The following BAAT variants were observed in gnomAD, a reference collection of about 807,000 sequenced individuals.
BAAT encodes bile acid CoA: amino acid N-acyltransferase (glycine N-choloyltransferase).
A neutral mutation model predicts 18.9 loss-of-function variants in BAAT; 13 were observed. The observed-to-expected ratio is 0.69, with a 90% confidence interval of 0.45 to 1.10. The LOEUF (loss-of-function observed/expected upper bound fraction) is 1.10, where lower values mean the gene tolerates loss of function less well. BAAT is among the 50% of genes least tolerant of loss of function. The pLI is 0.00. For missense variants in BAAT, 489 were observed against 504.0 expected (o/e 0.97, Z 0.28); for synonymous variants, 170 against 190.7 (o/e 0.89, Z 0.89).
At chr9:101,379,343 A>T (rs925333721) in intron 1 of BAAT, among the ~76,000 whole-genome samples, 1 of 152,190 alleles carries the variant, frequency 6.6e-6, no homozygotes, top group Non-Finnish European at 1.5e-5. Flanking sequence ...AGTTATTTGG[A>T]AATCTTTAGA....
At chr9:101,381,162 G>A (rs1830126152) in intron 1 of BAAT, among the ~76,000 whole-genome samples, 1 of 152,020 alleles carries the variant, frequency 6.6e-6, no homozygotes, top group African/African-American at 2.4e-5. Flanking sequence ...GGGATGAATG[G>A]AAATGGGAGT....
intron 1 of BAAT, 114 bp from the exon 2 acceptor site, chr9:101,371,577 T>C (rs979701412): frequency 1.4e-6 from 1 of 694,140 alleles, no homozygotes; most frequent in Non-Finnish European, 2.5e-6. Context: ...CTCTAGTTCT[T>C]TAGAAACTTC....
At chr9:101,380,836 C>T (rs2064173296) in intron 1 of BAAT, among the ~76,000 whole-genome samples, 1 of 152,094 alleles carries the variant, frequency 6.6e-6, no homozygotes, top group South Asian at 2.1e-4. Context: ...TCACTGCAAT[C>T]TCCACTTCCC....
At chr9:101,379,243 C>G (rs1051363077) in intron 1 of BAAT, among the ~76,000 whole-genome samples, 1 of 152,140 alleles carries the variant, frequency 6.6e-6, no homozygotes, top group Non-Finnish European at 1.5e-5. Flanking sequence ...TCAGGTGATC[C>G]GCCTGCCTCA....
intron 3 of BAAT, among the ~76,000 whole-genome samples, chr9:101,367,524 A>G (rs1283473732): frequency 6.8e-6 from 1 of 146,360 alleles, no homozygotes; most frequent in Non-Finnish European, 1.5e-5. Flanking sequence ...TTGCTTTGTC[A>G]CCCAGGCTGG....
intron 1 of BAAT, among the ~76,000 whole-genome samples, chr9:101,381,708 GAGAC>G (rs1830136818): frequency 1.3e-5 from 2 of 152,170 alleles, no homozygotes; most frequent in Non-Finnish European, 2.9e-5. Context: ...GATGAGAGAT[GAGAC>G]AGACACAGAC....
chr9:101,368,007 A>G (rs930390864), intron 3 of BAAT, 113 bp downstream of exon 3: 1 of 1,104,302 alleles, frequency 9.1e-7, no homozygotes, highest in Non-Finnish European at 1.3e-6. Flanking sequence ...GTGTCAGATC[A>G]TGCCACTGCA....
chr9:101,365,686 A>C (rs1391910571), intron 3 of BAAT, among the ~76,000 whole-genome samples: 1 of 151,958 alleles, frequency 6.6e-6, no homozygotes, highest in Non-Finnish European at 1.5e-5. Flanking sequence ...GGCGCCCGCC[A>C]CCACACCTGG....
chr9:101,378,548 T>A (rs988275031), intron 1 of BAAT, among the ~76,000 whole-genome samples: 3 of 152,120 alleles, frequency 2.0e-5, no homozygotes, highest in Non-Finnish European at 4.4e-5. Context: ...GAAACTAGAC[T>A]TCTTCCTTAC....
rs1830008151 is a variant in BAAT, at chr9:101,374,598, C to T, written c.-59-3135G>A. On this transcript the variant is annotated intron_variant, in intron 1 of 3. Transcript: ENST00000259407. ...TAACTGATAGCAACAAAGGGACCTA[C>T]CCATATTTCAGAAGGCCAAGATTTG... Among the ~76,000 whole-genome samples, 3 of 152,070 alleles carry T rather than the reference C, an allele frequency of 2.0e-5. 1 individual carries two copies. The highest frequency in any genetic ancestry group is 7.2e-5 in the African/African-American group (3 of 41,386).
intron 1 of BAAT, among the ~76,000 whole-genome samples, chr9:101,373,445 C>A (rs1829991153): frequency 6.6e-6 from 1 of 152,076 alleles, no homozygotes; most frequent in African/African-American, 2.4e-5. Flanking sequence ...AGATTTAATT[C>A]TTTGATATAA....
intron 1 of BAAT, among the ~76,000 whole-genome samples, chr9:101,380,829 C>T (rs1327073550): frequency 6.6e-6 from 1 of 152,126 alleles, no homozygotes. Context: ...TCTTGGCTCA[C>T]TGCAATCTCC....
In BAAT at chr9:101,361,338, T is replaced by C. The variant is rs76498584; in HGVS notation, c.*1090A>G. On this transcript the variant is annotated 3_prime_UTR_variant, in exon 4 of 4. Transcript: ENST00000259407. ...TTAAAGTCTTGCAAAATGTGGTACA[T>C]GCTAGATGGTAGTTATGTTGCTATG... 0.037 allele frequency: 5,725 copies of C among 152,950 alleles called. 146 individuals carry two copies. The highest frequency in any genetic ancestry group is 0.1 in the Middle Eastern group (53 of 520). 9.5% of individuals were successfully genotyped at this position (152,950 alleles called of 1,614,324 possible). A position where few individuals can be genotyped will look rare whatever the true frequency, so the allele number is the denominator to read the frequency against.
Position 101,362,000 on chromosome 9 carries a change from A to G in BAAT, c.*428T>C, listed in dbSNP as rs1829734117. The stretch of plus-strand genomic sequence containing the variant: ...TACTGTGGTGAAGTTGAAAAATATC[A>G]CTAAAATGATTATAATTTAGTATTA... On this transcript the variant is annotated 3_prime_UTR_variant, in exon 4 of 4. Transcript: ENST00000259407. 1 of 175,666 alleles carries G rather than the reference A, an allele frequency of 5.7e-6. No homozygotes were observed. Among genetic ancestry groups the G allele is most frequent in the Non-Finnish European group, 1.2e-5 (1 of 81,832 alleles). The allele number at this position is 175,666 out of a possible 1,614,324, so 10.9% of individuals were successfully genotyped here.
chr9:101,365,887 TG>T (rs1219135266), intron 3 of BAAT, among the ~76,000 whole-genome samples: 1 of 152,220 alleles, frequency 6.6e-6, no homozygotes, highest in Non-Finnish European at 1.5e-5. Flanking sequence ...TGGTGCATAA[TG>T]TGATATTTCA....
At position 101,368,260 on chromosome 9, in the gene BAAT, G is replaced by A. The variant is rs200347226; in HGVS notation, c.529C>T (p.Arg177Trp). Residue 177 changes from arginine to tryptophan, a missense_variant, in exon 3 of 4, where the codon CGG (arginine) becomes TGG (tryptophan). Physicochemically the swap from Arg to Trp is moderately radical, Grantham distance 101. Transcript: ENST00000259407. ...FGGLGGLLEF[R>W]ASLLASRGFA... The stretch of plus-strand genomic sequence containing the variant: ...CCACGACTGGCTAGGAGGCTGGCCC[G>A]AAATTCAAGCAGCCCACCCAAACCA... 23 of 1,613,598 alleles carry A rather than the reference G, an allele frequency of 1.4e-5. No homozygotes were observed. The highest frequency in any genetic ancestry group is 2.7e-5 in the African/African-American group (2 of 75,012).
At chr9:101,363,216 A>G (rs1300838506) in intron 3 of BAAT, among the ~76,000 whole-genome samples, 1 of 152,244 alleles carries the variant, frequency 6.6e-6, no homozygotes, top group Non-Finnish European at 1.5e-5. Context: ...TTTACCGACT[A>G]TATATTACGG....
At chr9:101,383,433 G>T (rs1357954705) in intron 1 of BAAT, 1 of 151,990 alleles carries the variant, frequency 6.6e-6, no homozygotes, top group African/African-American at 2.4e-5. Flanking sequence ...ATTTCCAATC[G>T]GCCCAAATAA....
chr9:101,381,771 AATG>A (rs1237751845), intron 1 of BAAT, among the ~76,000 whole-genome samples: 13 of 152,190 alleles, frequency 8.5e-5, no homozygotes, highest in African/African-American at 3.1e-4. Context: ...AAGTCCTGAG[AATG>A]ATAATTCAGT....
Sources: gnomAD v4.1 joint callset for allele counts (sites outside exome capture counted in the v4.1 genomes callset) on GRCh38, gnomAD v4.1.1 for gene constraint, MANE v1.5 for transcripts, NCBI Gene and HGNC (gene_info 2026-07-23, HGNC 2026-07-21) for gene names.